Variants in NDE1 observed in about 807,000 individuals in gnomAD.
NDE1 encodes nudE neurodevelopment protein 1, also known as nuclear distribution protein nudE homolog 1.
In NDE1, 28 loss-of-function variants were observed where a neutral mutation model predicts 43.4. The observed-to-expected ratio is 0.65, with a 90% CI of 0.48 to 0.89. The LOEUF (loss-of-function observed/expected upper bound fraction) is 0.89. Ranked by LOEUF, NDE1 falls within the 40% of genes least tolerant of loss-of-function variation. The pLI is 0.00. For missense variants in NDE1, 441 were observed against 434.1 expected, an observed-to-expected ratio of 1.02 and a Z score of -0.14; for synonymous variants, 184 against 172.0, an observed-to-expected ratio of 1.07 and a Z score of -0.55.
At chr16:15,719,113 A>G (rs2040327069) in intron 8 of NDE1, 16 of 1,113,036 alleles carry the variant, frequency 1.4e-5, no homozygotes, top group Non-Finnish European at 2.1e-5. Flanking sequence ...GGGTGACAGA[A>G]TGAAACTCTG....
intron 1 of NDE1, among the ~76,000 whole-genome samples, chr16:15,651,145 G>A (rs1324478530): frequency 6.6e-6 from 1 of 152,188 alleles, no homozygotes; most frequent in African/African-American, 2.4e-5. Context: ...TCTGCCTCCT[G>A]AGGGCCTGAG....
intron 2 of NDE1, among the ~76,000 whole-genome samples, 178 bp downstream of exon 2, chr16:15,665,039 G>A (rs544694990): frequency 6.6e-6 from 1 of 151,758 alleles, no homozygotes; most frequent in Admixed American, 6.6e-5. Context: ...GGGACTATAG[G>A]TGTGCTTCAT....
chr16:15,655,425 G>C lies in NDE1; in HGVS notation c.-44+5131G>C, dbSNP rs141687594. 7.3e-3 allele frequency among the ~76,000 whole-genome samples: 1,112 copies of C among 152,290 alleles called. 6 individuals carry two copies. The highest frequency in any genetic ancestry group is 0.013 in the Non-Finnish European group (874 of 68,026). On this transcript the variant is annotated intron_variant, in intron 1 of 8. Coordinates refer to ENST00000396354, the MANE Select transcript of NDE1 (RefSeq NM_017668.3). ...CTGCCAAAGTGCTGGGATTACAGGC[G>C]TGAGCCATCGTGCCCGGCCTCTCTC...
intron 7 of NDE1, chr16:15,695,701 A>G: frequency 1.0e-6 from 1 of 985,262 alleles, no homozygotes; most frequent in Non-Finnish European, 1.2e-6. Flanking sequence ...TGTAGCTACA[A>G]CTTAATAGAA....
chr16:15,709,159 C>T (rs1371376674), intron 8 of NDE1, among the ~76,000 whole-genome samples: 1 of 151,492 alleles, frequency 6.6e-6, no homozygotes, highest in East Asian at 2.0e-4. Context: ...TCAGGCTTGT[C>T]TCCAACTCCT....
At chr16:15,704,765 C>G (rs551255307) in intron 8 of NDE1, among the ~76,000 whole-genome samples, 10 of 152,272 alleles carry the variant, frequency 6.6e-5, no homozygotes, top group South Asian at 2.1e-4. Context: ...TTTTGCTGAT[C>G]GTGGAACATA....
chr16:15,690,375 T>TTG, intron 5 of NDE1, among the ~76,000 whole-genome samples: 1 of 122,438 alleles, frequency 8.2e-6, no homozygotes, highest in Non-Finnish European at 1.6e-5. Flanking sequence ...TTTTTTTTTT[T>TTG]TTTTTTGAGC....
intron 8 of NDE1, among the ~76,000 whole-genome samples, chr16:15,711,596 A>C (rs1783019280): frequency 6.6e-6 from 1 of 152,210 alleles, no homozygotes; most frequent in African/African-American, 2.4e-5. Context: ...AGGTAGTAAG[A>C]GGCTCAGCAC....
chr16:15,696,121 T>TGCTTGAGACTGGGA (rs71293164), intron 7 of NDE1: 1 of 151,818 alleles, frequency 6.6e-6, no homozygotes, highest in East Asian at 1.9e-4. Context: ...GTGGAAGGAT[T>TGCTTGAGACTGGGA]GGTTGAGGCT....
chr16:15,701,027 G>A (rs536691618), intron 8 of NDE1, among the ~76,000 whole-genome samples: 2 of 152,162 alleles, frequency 1.3e-5, no homozygotes, highest in East Asian at 1.9e-4. Context: ...CCTGAGGTCA[G>A]GAGTTCAAGA....
intron 8 of NDE1, 22 bp downstream of exon 8, chr16:15,696,882 T>G (rs1826502379): frequency 1.2e-6 from 2 of 1,611,848 alleles, no homozygotes; most frequent in Non-Finnish European, 1.7e-6. Context: ...CTAATAAACC[T>G]CTCGCTGGCG....
upstream of NDE1, among the ~76,000 whole-genome samples, chr16:15,648,549 G>A (rs2036377515): frequency 6.6e-6 from 1 of 152,136 alleles, no homozygotes; most frequent in Non-Finnish European, 1.5e-5. Flanking sequence ...CATGGCTCAC[G>A]CCTGTAATCC....
chr16:15,700,697 C>G (rs12917934), intron 8 of NDE1, among the ~76,000 whole-genome samples: 28 of 151,880 alleles, frequency 1.8e-4, no homozygotes, highest in Non-Finnish European at 1.0e-4. Flanking sequence ...GTGATCCTCC[C>G]GCCTCAGCCT....
At chr16:15,699,489 A>G in intron 8 of NDE1, 1 of 1,106,926 alleles carries the variant, frequency 9.0e-7, no homozygotes, top group Non-Finnish European at 1.1e-6. Flanking sequence ...TAAAACAAAC[A>G]AACAATAGGT....
At chr16:15,661,508 G>A (rs551249358) in intron 1 of NDE1, among the ~76,000 whole-genome samples, 5 of 151,898 alleles carry the variant, frequency 3.3e-5, no homozygotes, top group Non-Finnish European at 7.4e-5. Flanking sequence ...TGCCCAGGCT[G>A]GAGTACAGTG....
At position 15,720,372 on chromosome 16, in the gene NDE1, C is replaced by A. The variant is rs1355235909; in HGVS notation, c.948-3819C>A. 2.6e-6 allele frequency: 4 copies of A among 1,568,440 alleles called. No individual in the cohort carries two copies. In the African/African-American group the frequency reaches 5.4e-5, roughly 21 times the overall value. On this transcript the variant is annotated intron_variant, in intron 8 of 8. Coordinates refer to ENST00000396354, the MANE Select transcript of NDE1 (RefSeq NM_017668.3). ...TGCCCCTGGGAGGTCCTTTGGCTCA[C>A]CTAGGCAGCACATCACTGCACCCCT...
At position 15,677,957 on chromosome 16, in the gene NDE1, T is replaced by C. The variant is rs1486239098; in HGVS notation, c.386+8T>C. The stretch of plus-strand genomic sequence containing the variant: ...CCTGGAAAGAGCCAAGCGGTATGGG[T>C]GGAAGGGAAAAGCACGAGTGGGAGA... On this transcript the variant is annotated splice_region_variant and intron_variant, in intron 4 of 8. Coordinates refer to ENST00000396354, the MANE Select transcript of NDE1 (RefSeq NM_017668.3). 6.2e-7 allele frequency: 1 copy of C among 1,613,088 alleles called. No individual in the cohort carries two copies. The highest frequency in any genetic ancestry group is 1.7e-5 in the Admixed American group (1 of 59,912).
chr16:15,724,455 G>T lies in NDE1; in HGVS notation c.*204G>T. 1 of 1,611,398 alleles carries T rather than the reference G, an allele frequency of 6.2e-7. No homozygotes were observed. Among genetic ancestry groups the T allele is most frequent in the South Asian group, 1.1e-5 (1 of 90,976 alleles). On this transcript the variant is annotated 3_prime_UTR_variant, in exon 9 of 9. Transcript: ENST00000396354. ...GTAGGGTGAGAGGGGGACCATGAGTGGCCCCTGTCCCTGGCCCCACAGACT... is the reference window on the plus strand; with the variant it reads ...GTAGGGTGAGAGGGGGACCATGAGTTGCCCCTGTCCCTGGCCCCACAGACT...
intron 1 of NDE1, 80 bp from the exon 2 acceptor site, chr16:15,664,656 A>AGTT (rs2037211181): frequency 2.5e-6 from 2 of 792,522 alleles, no homozygotes; most frequent in African/African-American, 1.8e-5. Flanking sequence ...CGCCTGGCCA[A>AGTT]GTTTTTTTTT....
Sources: gnomAD v4.1 joint callset for allele counts (sites outside exome capture counted in the v4.1 genomes callset) on GRCh38, gnomAD v4.1.1 for gene constraint, MANE v1.5 for transcripts, NCBI Gene and HGNC (gene_info 2026-07-23, HGNC 2026-07-21) for gene names.